KIAA2012: variants seen among roughly 807,000 people sequenced by gnomAD.
KIAA2012 encodes the protein KIAA2012, also known as uncharacterized protein KIAA2012.
Under a neutral mutation model 150.6 loss-of-function variants are expected in KIAA2012, and 125 were observed. The observed-to-expected ratio is 0.83, with a 90% CI of 0.72 to 0.96. The LOEUF is 0.96. KIAA2012 is among the 40% of genes least tolerant of loss of function. The pLI, the probability that KIAA2012 is intolerant of heterozygous loss-of-function variation, is 0.00. For synonymous variants in KIAA2012, 462 were observed against 504.7 expected, an observed-to-expected ratio of 0.92 and a Z score of 1.13; for missense variants, 1,219 against 1,354.9, an observed-to-expected ratio of 0.90 and a Z score of 1.57.
At chr2:202,091,673 A>G (rs1390502093) in intron 3 of KIAA2012, among the ~76,000 whole-genome samples, 2 of 152,170 alleles carry the variant, frequency 1.3e-5, no homozygotes, top group South Asian at 2.1e-4. Flanking sequence ...AAAAAAATTC[A>G]TTGTTTATCC....
chr2:202,138,703 C>T (rs1403197301), intron 13 of KIAA2012, among the ~76,000 whole-genome samples, 195 bp downstream of exon 13: 1 of 152,170 alleles, frequency 6.6e-6, no homozygotes, highest in Non-Finnish European at 1.5e-5. Flanking sequence ...TTAACTTGGA[C>T]TGTATTATTT....
intron 5 of KIAA2012, 49 bp downstream of exon 5, chr2:202,097,626 G>A (rs1200634092): frequency 3.5e-5 from 54 of 1,531,420 alleles, no homozygotes; most frequent in Non-Finnish European, 6.1e-6. Flanking sequence ...GTCTCACTCT[G>A]TCACCCAGGC....
At chr2:202,097,036 C>T (rs758324432) in intron 4 of KIAA2012, among the ~76,000 whole-genome samples, 7 of 152,178 alleles carry the variant, frequency 4.6e-5, no homozygotes, top group Admixed American at 6.5e-5. Context: ...ACAGAGCAGG[C>T]TGCAGGTCAC....
chr2:202,180,596 G>A (rs964317304), intron 15 of KIAA2012, among the ~76,000 whole-genome samples: 12 of 152,146 alleles, frequency 7.9e-5, no homozygotes, highest in African/African-American at 2.7e-4. Context: ...AGGCCAAGGC[G>A]GGTGGATCAC....
chr2:202,172,092 G>A (rs891202953), intron 15 of KIAA2012, among the ~76,000 whole-genome samples: 10 of 152,148 alleles, frequency 6.6e-5, no homozygotes, highest in Non-Finnish European at 1.5e-4. Context: ...CAAACTGTTG[G>A]GATTACAGGC....
intron 20 of KIAA2012, 72 bp from the exon 21 acceptor site, chr2:202,194,118 G>A: frequency 6.6e-7 from 1 of 1,507,858 alleles, no homozygotes; most frequent in Non-Finnish European, 9.0e-7. Flanking sequence ...CATGGGCACT[G>A]TCTGTTGGCT....
At chr2:202,151,856 G>A (rs1477080711) in intron 13 of KIAA2012, among the ~76,000 whole-genome samples, 1 of 152,012 alleles carries the variant, frequency 6.6e-6, no homozygotes, top group Non-Finnish European at 1.5e-5. Context: ...CAAACTCTTG[G>A]GCTCAAGGAT....
chr2:202,177,584 T>C (rs1193584869), intron 15 of KIAA2012, among the ~76,000 whole-genome samples: 1 of 152,122 alleles, frequency 6.6e-6, no homozygotes, highest in Non-Finnish European at 1.5e-5. Flanking sequence ...ATGGGGTCTC[T>C]CTATGTTGCC....
chr2:202,094,522 A>AT (rs1231234210), intron 4 of KIAA2012, among the ~76,000 whole-genome samples: 3 of 145,552 alleles, frequency 2.1e-5, no homozygotes, highest in Non-Finnish European at 3.1e-5. Context: ...TTTATTTTTT[A>AT]TTTTTTTTAG....
chr2:202,154,553 GTAT>G, intron 13 of KIAA2012, 117 bp from the exon 14 acceptor site: 1 of 866,964 alleles, frequency 1.2e-6, no homozygotes. Flanking sequence ...TAGTTGCTGC[GTAT>G]TATTGTTTCA....
intron 22 of KIAA2012, chr2:202,201,607 C>T: frequency 1.9e-6 from 3 of 1,610,230 alleles, no homozygotes; most frequent in South Asian, 1.1e-5. Context: ...ATGGGACCAA[C>T]TGGATAATAA....
chr2:202,196,795 T>G lies in KIAA2012; in HGVS notation c.3188-5T>G. The G allele has an allele frequency of 6.5e-7, 1 of 1,550,120 alleles. No homozygotes were observed. The highest frequency in any genetic ancestry group is 8.7e-7 in the Non-Finnish European group (1 of 1,146,794). ...GCTGAGCCCACCCCCTTTTCTATTC[T>G]GCAGAGGCAGAGAAGCAAAGGCAAG... On this transcript the variant is annotated splice_polypyrimidine_tract_variant and splice_region_variant and intron_variant, in intron 21 of 23. Transcript: ENST00000498697.
At chr2:202,169,208 GT>G (rs1352762584) in intron 15 of KIAA2012, among the ~76,000 whole-genome samples, 1 of 152,172 alleles carries the variant, frequency 6.6e-6, no homozygotes, top group Non-Finnish European at 1.5e-5. Flanking sequence ...CCTGGTAAAT[GT>G]TTCCTAAATG....
intron 10 of KIAA2012, among the ~76,000 whole-genome samples, chr2:202,112,968 G>A (rs1690411183): frequency 6.6e-6 from 1 of 152,150 alleles, no homozygotes. Flanking sequence ...CAGGAAGCAG[G>A]AAGCCCTGTT....
chr2:202,088,119 T>C (rs1689620942), intron 2 of KIAA2012, among the ~76,000 whole-genome samples: 1 of 152,142 alleles, frequency 6.6e-6, no homozygotes, highest in Non-Finnish European at 1.5e-5. Context: ...GTACAAATAT[T>C]ACTACCACCA....
intron 8 of KIAA2012, among the ~76,000 whole-genome samples, chr2:202,105,447 T>A (rs938527627): frequency 1.3e-5 from 2 of 152,208 alleles, no homozygotes; most frequent in African/African-American, 4.8e-5. Flanking sequence ...TTCCTGCAAT[T>A]CCATGCTAAT....
chr2:202,092,905 T>C (rs1689762543), intron 3 of KIAA2012, 125 bp from the exon 4 acceptor site: 2 of 754,956 alleles, frequency 2.6e-6, no homozygotes, highest in Non-Finnish European at 4.2e-6. Flanking sequence ...CATCTTCTAA[T>C]TGTCTTCCCT....
intron 23 of KIAA2012, among the ~76,000 whole-genome samples, chr2:202,204,524 A>G (rs1486666159): frequency 6.6e-6 from 1 of 152,216 alleles, no homozygotes; most frequent in African/African-American, 2.4e-5. Context: ...ATTTTTTCAC[A>G]AATTTCTTTT....
chr2:202,193,209 T>C, intron 19 of KIAA2012, 92 bp from the exon 20 acceptor site: 1 of 1,257,274 alleles, frequency 8.0e-7, no homozygotes, highest in Non-Finnish European at 1.1e-6. Context: ...ATTCCATCTT[T>C]GATTAGAGAC....
Sources: gnomAD v4.1 joint callset for allele counts (sites outside exome capture counted in the v4.1 genomes callset) on GRCh38, gnomAD v4.1.1 for gene constraint, MANE v1.5 for transcripts, NCBI Gene and HGNC (gene_info 2026-07-23, HGNC 2026-07-21) for gene names.